The following CDC42SE1 variants were observed in gnomAD, a reference collection of about 807,000 sequenced individuals.
The protein encoded by CDC42SE1 is CDC42 small effector protein 1.
A neutral mutation model predicts 10.9 loss-of-function variants in CDC42SE1; 10 were observed. The observed-to-expected ratio is 0.92, with a 90% CI of 0.57 to 1.56. CDC42SE1 has a LOEUF of 1.56. CDC42SE1 is among the 40% of genes most tolerant of loss of function. The pLI, the probability that CDC42SE1 is intolerant of heterozygous loss-of-function variation, is 0.00. For missense variants in CDC42SE1, 81 were observed against 100.8 expected (o/e 0.80, Z 0.84); for synonymous variants, 24 against 32.0 (o/e 0.75, Z 0.85).
intron 4 of CDC42SE1, 132 bp downstream of exon 4, chr1:151,054,099 G>A (rs1485226882): frequency 4.4e-6 from 3 of 679,356 alleles, no homozygotes; most frequent in African/African-American, 1.8e-5. Flanking sequence ...CTAAAGTGCT[G>A]GGATTACAGG....
chr1:151,055,092 A>G lies in CDC42SE1; in HGVS notation c.89T>C (p.Ile30Thr). The change falls in exon 3 of 5, where the codon ATT (isoleucine) becomes ACT (threonine). Residue 30 changes from isoleucine (I) to threonine (T), a missense_variant. Physicochemically the swap from Ile to Thr is moderately conservative, Grantham distance 89 (BLOSUM62 -1). Coordinates refer to ENST00000357235, the MANE Select transcript of CDC42SE1 (RefSeq NM_020239.4). ...KKRRRIDRTM[I>T]GEPMNFVHLT... ...GTGAACAAAATTCATTGGTTCCCCA[A>G]TCATGGTCCGGTCAATCCGTCTTCT... 1 of 1,613,654 alleles carries G rather than the reference A, an allele frequency of 6.2e-7. No homozygotes were observed. Among genetic ancestry groups the G allele is most frequent in the Non-Finnish European group, 8.5e-7 (1 of 1,179,946 alleles).
chr1:151,054,943 G>T, intron 3 of CDC42SE1, 73 bp downstream of exon 3: 1 of 1,100,012 alleles, frequency 9.1e-7, no homozygotes, highest in Non-Finnish European at 1.4e-6. Context: ...TATGTCCCTA[G>T]CTTGAACTTT....
chr1:151,056,444 TGCCCTGAAC>T (rs1676280266), intron 1 of CDC42SE1, among the ~76,000 whole-genome samples: 1 of 152,180 alleles, frequency 6.6e-6, no homozygotes, highest in African/African-American at 2.4e-5. Flanking sequence ...TTTCTTACCT[TGCCCTGAAC>T]GCCTAGAGTT....
intron 2 of CDC42SE1, 163 bp from the exon 3 acceptor site, chr1:151,055,289 G>A (rs1676258538): frequency 4.9e-6 from 3 of 617,126 alleles, no homozygotes; most frequent in Non-Finnish European, 8.7e-6. Flanking sequence ...GGCAAAGCTG[G>A]AACAACAAAA....
chr1:151,055,357 G>T, intron 2 of CDC42SE1: 1 of 588,544 alleles, frequency 1.7e-6, no homozygotes, highest in Non-Finnish European at 3.0e-6. Context: ...GTGAACACTG[G>T]ACAAAGAAAG....
chr1:151,055,318 C>A, intron 2 of CDC42SE1, 192 bp from the exon 3 acceptor site: 1 of 603,604 alleles, frequency 1.7e-6, no homozygotes, highest in South Asian at 2.0e-5. Flanking sequence ...AAGACATGAA[C>A]CAGAGTAGTG....
intron 4 of CDC42SE1, among the ~76,000 whole-genome samples, chr1:151,053,721 A>T (rs1676227331): frequency 6.6e-6 from 1 of 152,284 alleles, no homozygotes. Context: ...ACCTCAAGTC[A>T]TCTGCTGACC....
chr1:151,053,854 G>C (rs1242408511), intron 4 of CDC42SE1, among the ~76,000 whole-genome samples: 3 of 151,336 alleles, frequency 2.0e-5, no homozygotes, highest in East Asian at 2.0e-4. Context: ...TTTTGAGATA[G>C]AGTCTTGCTC....
In CDC42SE1 at chr1:151,051,918, G is replaced by T; in HGVS notation, c.*1426C>A. On this transcript the variant is annotated 3_prime_UTR_variant, in exon 5 of 5. Transcript: ENST00000357235. ...TCTCCAGAGGGCAAGAATGGAGGAGGGGGACCTGTCCATCATAGCAACATG... is the reference window on the plus strand; with the variant it reads ...TCTCCAGAGGGCAAGAATGGAGGAGTGGGACCTGTCCATCATAGCAACATG... 6.6e-6 allele frequency: 1 copy of T among 152,664 alleles called. No individual in the cohort carries two copies. The allele number at this position is 152,664 out of a possible 1,614,324, so 9.5% of individuals were successfully genotyped here.
At chr1:151,053,610 T>A (rs1466341226) in intron 4 of CDC42SE1, among the ~76,000 whole-genome samples, 1 of 151,968 alleles carries the variant, frequency 6.6e-6, no homozygotes, top group Non-Finnish European at 1.5e-5. Flanking sequence ...GCCGCCTGAG[T>A]AACTGGGATT....
At chr1:151,053,975 G>C (rs1022613053) in intron 4 of CDC42SE1, among the ~76,000 whole-genome samples, 1 of 152,040 alleles carries the variant, frequency 6.6e-6, no homozygotes, top group Non-Finnish European at 1.5e-5. Context: ...GACTACAGGA[G>C]CACGCCACTG....
intron 1 of CDC42SE1, among the ~76,000 whole-genome samples, chr1:151,056,389 G>GT (rs1247536142): frequency 1.3e-5 from 2 of 152,098 alleles, no homozygotes; most frequent in African/African-American, 4.8e-5. Context: ...GGAAATAGTG[G>GT]TTTTTTGTTC....
intron 2 of CDC42SE1, 177 bp from the exon 3 acceptor site, chr1:151,055,303 C>G: frequency 3.3e-6 from 2 of 608,820 alleles, no homozygotes; most frequent in Middle Eastern, 4.4e-4. Context: ...AACAAAAGCA[C>G]ACAGAAGACA....
chr1:151,055,373 G>A lies in CDC42SE1; in HGVS notation c.55-247C>T. On this transcript the variant is annotated intron_variant, in intron 2 of 4. Coordinates refer to ENST00000357235, the MANE Select transcript of CDC42SE1 (RefSeq NM_020239.4). ...TGAACACTGGACAAAGAAAGGACAT[G>A]TCAAAGTCACCTCTGACTGATGATG... 4 of 593,466 alleles carry A rather than the reference G, an allele frequency of 6.7e-6. No individual in the cohort carries two copies. The East Asian group carries it at 8.4e-5, about 12-fold the overall frequency. 36.8% of individuals were successfully genotyped at this position (593,466 alleles called of 1,614,324 possible).
intron 1 of CDC42SE1, chr1:151,058,260 G>C (rs78432543): frequency 1.3e-5 from 2 of 152,504 alleles, no homozygotes; most frequent in Non-Finnish European, 1.5e-5. Context: ...CAATGATGAC[G>C]AGAAGTGACC....
rs1676294254 is a variant in CDC42SE1, at chr1:151,057,145, A to T, written c.-263-1152T>A. On this transcript the variant is annotated intron_variant, in intron 1 of 4. Transcript: ENST00000357235. The surrounding 1 kb of genome is among the most constrained non-coding windows in gnomAD (Gnocchi z 4.0). ...AGATTCCAAAAAGGGCAGTTTCATA[A>T]ATATGACACTTTAACATGAACAGGA... Among the ~76,000 whole-genome samples the T allele has an allele frequency of 6.6e-6, 1 of 152,242 alleles. No individual in the cohort carries two copies.
chr1:151,052,287 C>CA lies in CDC42SE1; in HGVS notation c.*1056dup, dbSNP rs1391066605. On this transcript the variant is annotated 3_prime_UTR_variant, in exon 5 of 5. Transcript: ENST00000357235. Reference sequence around the variant, plus strand: ...CAAAGAACACTTCAGCCCAAAATGTCAAAGGCATCTCGGTTGTGAAACCTT... The same window carrying CA: ...CAAAGAACACTTCAGCCCAAAATGTCAAAAGGCATCTCGGTTGTGAAACCTT... 1 of 152,396 alleles carries CA rather than the reference C, an allele frequency of 6.6e-6. No individual in the cohort carries two copies. Among genetic ancestry groups the CA allele is most frequent in the Admixed American group, 6.5e-5 (1 of 15,272 alleles). The allele number at this position is 152,396 out of a possible 1,614,324, so 9.4% of individuals were successfully genotyped here. A position where few individuals can be genotyped will look rare whatever the true frequency, so the allele number is the denominator to read the frequency against.
rs752718195 is a variant in CDC42SE1, at chr1:151,055,750, T to C, written c.-20A>G. 3.1e-6 allele frequency: 5 copies of C among 1,608,262 alleles called. No individual in the cohort carries two copies. The highest frequency in any genetic ancestry group is 1.7e-5 in the Admixed American group (1 of 59,858). ...ACTCATGTTCCCTGATGGTTCCAGC[T>C]TCACTCCGCTGTCTGAGGCCCCAAA... On this transcript the variant is annotated 5_prime_UTR_variant, in exon 2 of 5. Coordinates refer to ENST00000357235, the MANE Select transcript of CDC42SE1 (RefSeq NM_020239.4).
rs1192181188 is a variant in CDC42SE1, at chr1:151,051,783, G to T, written c.*1561C>A. ...AATGTGTGTCTAGGACTAGGGCACAGAAATAGAGCTTAAAATTTGGGGAGG... is the reference window on the plus strand; with the variant it reads ...AATGTGTGTCTAGGACTAGGGCACATAAATAGAGCTTAAAATTTGGGGAGG... On this transcript the variant is annotated 3_prime_UTR_variant, in exon 5 of 5. Coordinates refer to ENST00000357235, the MANE Select transcript of CDC42SE1 (RefSeq NM_020239.4). 1.3e-5 allele frequency: 2 copies of T among 152,578 alleles called. No individual in the cohort carries two copies. The highest frequency in any genetic ancestry group is 4.8e-5 in the African/African-American group (2 of 41,426). The allele number at this position is 152,578 out of a possible 1,614,324, so 9.5% of individuals were successfully genotyped here. A position where few individuals can be genotyped will look rare whatever the true frequency, so the allele number is the denominator to read the frequency against.
Sources: allele counts gnomAD v4.1 joint callset (sites outside exome capture counted in the v4.1 genomes callset), GRCh38; gene constraint gnomAD v4.1.1; non-coding constraint Gnocchi (gnomAD v3.1); transcripts MANE v1.5; gene names NCBI Gene and HGNC (gene_info 2026-07-23, HGNC 2026-07-21).